Variants in CKS1B observed in about 807,000 individuals in gnomAD.
The protein encoded by CKS1B is CDC28 protein kinase regulatory subunit 1B, also known as cyclin-dependent kinases regulatory subunit 1.
Under a neutral mutation model 12.2 loss-of-function variants are expected in CKS1B, and 5 were observed. The ratio of observed to expected loss-of-function variants is 0.41; its 90% confidence interval spans 0.21 to 0.86. The LOEUF (loss-of-function observed/expected upper bound fraction) is 0.86, where lower values mean the gene tolerates loss of function less well. CKS1B is among the 40% of genes least tolerant of loss of function. The pLI is 0.32. For synonymous variants in CKS1B, 24 were observed against 34.4 expected (o/e 0.70, Z 1.06); for missense variants, 53 against 99.9 (o/e 0.53, Z 2.00).
intron 2 of CKS1B, chr1:154,978,386 G>A: frequency 1.8e-6 from 1 of 542,290 alleles, no homozygotes; most frequent in Non-Finnish European, 3.2e-6. Flanking sequence ...CCTGATCATA[G>A]CCCCTGCCTC....
At chr1:154,977,022 G>A (rs1657205000) in intron 1 of CKS1B, among the ~76,000 whole-genome samples, 2 of 152,122 alleles carry the variant, frequency 1.3e-5, no homozygotes, top group African/African-American at 4.8e-5. Context: ...ATTCAGGATA[G>A]ATTTAATTTT....
At chr1:154,975,055 G>A in intron 1 of CKS1B, 1 of 899,104 alleles carries the variant, frequency 1.1e-6, no homozygotes, top group Non-Finnish European at 1.8e-6. Flanking sequence ...TTAGGGTACT[G>A]ACCACCCTCA....
intron 1 of CKS1B, chr1:154,975,069 A>G: frequency 1.3e-6 from 1 of 789,064 alleles, no homozygotes; most frequent in Non-Finnish European, 2.2e-6. Context: ...ACCCTCACCC[A>G]TGAGGCTTTC....
chr1:154,977,397 G>A (rs976902611), intron 1 of CKS1B: 9 of 152,376 alleles, frequency 5.9e-5, no homozygotes, highest in Admixed American at 2.0e-4. Flanking sequence ...TTACAGGCAT[G>A]AGCCACCGCC....
chr1:154,974,916 C>A, intron 1 of CKS1B, 112 bp downstream of exon 1: 1 of 1,613,796 alleles, frequency 6.2e-7, no homozygotes, highest in Non-Finnish European at 8.5e-7. Flanking sequence ...GTACGAGGTG[C>A]GAACGGGCAA....
At chr1:154,975,032 G>C (rs1657116420) in intron 1 of CKS1B, 2 of 1,192,414 alleles carry the variant, frequency 1.7e-6, no homozygotes, top group Non-Finnish European at 2.5e-6. Context: ...AGAGGAGAGA[G>C]GGGTGGGCGT....
rs780679482 is a variant in CKS1B, at chr1:154,978,714, C to T, written c.188-11C>T. ...GTGAGCTTGTCTCTTAGATTTCCCTCACTCTTTCAGAACCTCACATCTTGC... is the reference window on the plus strand; with the variant it reads ...GTGAGCTTGTCTCTTAGATTTCCCTTACTCTTTCAGAACCTCACATCTTGC... On this transcript the variant is annotated splice_polypyrimidine_tract_variant and intron_variant, in intron 2 of 2. Transcript: ENST00000308987. 6.2e-7 allele frequency: 1 copy of T among 1,613,586 alleles called. No homozygotes were observed. The highest frequency in any genetic ancestry group is 8.5e-7 in the Non-Finnish European group (1 of 1,179,546).
chr1:154,974,936 AT>A, intron 1 of CKS1B, 132 bp downstream of exon 1: 1 of 1,613,644 alleles, frequency 6.2e-7, no homozygotes, highest in Non-Finnish European at 8.5e-7. Context: ...ATGGTGTGAT[AT>A]TGTGGAAGGC....
intron 2 of CKS1B, 101 bp from the exon 3 acceptor site, chr1:154,978,624 G>C: frequency 1.1e-6 from 1 of 946,920 alleles, no homozygotes; most frequent in South Asian, 1.4e-5. Context: ...TAGTTATAAA[G>C]ATCTGAGTGG....
chr1:154,977,139 T>C (rs999552412), intron 1 of CKS1B, among the ~76,000 whole-genome samples: 1 of 152,096 alleles, frequency 6.6e-6, no homozygotes, highest in African/African-American at 2.4e-5. Flanking sequence ...TTATTTTTTT[T>C]CTCTTTTTTT....
At chr1:154,978,221 C>A in intron 2 of CKS1B, 107 bp downstream of exon 2, 1 of 1,156,030 alleles carries the variant, frequency 8.7e-7, no homozygotes, top group Non-Finnish European at 1.2e-6. Flanking sequence ...TTACTGGTTC[C>A]TTCCCCCTCC....
chr1:154,975,563 G>C (rs1468228814), intron 1 of CKS1B: 1 of 155,130 alleles, frequency 6.4e-6, no homozygotes, highest in Non-Finnish European at 1.5e-5. Context: ...CACAAGACTT[G>C]CTAAGGAGAG....
At chr1:154,974,875 C>G in intron 1 of CKS1B, 71 bp downstream of exon 1, 1 of 1,614,018 alleles carries the variant, frequency 6.2e-7, no homozygotes, top group Non-Finnish European at 8.5e-7. Context: ...GAATTAGTAA[C>G]AGGAACTGAG....
chr1:154,975,385 AGG>A, intron 1 of CKS1B: 1 of 198,696 alleles, frequency 5.0e-6, no homozygotes, highest in Non-Finnish European at 1.1e-5. Flanking sequence ...TAAATATCAA[AGG>A]GAACAGTTAC....
In CKS1B at chr1:154,977,871, ACT is replaced by A; in HGVS notation, c.60-113_60-112del. 3.9e-6 allele frequency: 4 copies of A among 1,015,498 alleles called. 1 individual carries two copies. The East Asian group carries it at 1.1e-4, about 27-fold the overall frequency. 62.9% of individuals were successfully genotyped at this position (1,015,498 alleles called of 1,614,324 possible). A position where few individuals can be genotyped will look rare whatever the true frequency, so the allele number is the denominator to read the frequency against. On this transcript the variant is annotated intron_variant, in intron 1 of 2. Coordinates refer to ENST00000308987, the MANE Select transcript of CKS1B (RefSeq NM_001826.3). ...GCTACCCCACAATAAAATTATATAA[ACT>A]CTGACATCAAAAACCAGTTTTTCTT...
rs755598062 is a variant in CKS1B at position 154,978,825 on chromosome 1, C to T, written c.*48C>T. The T allele has an allele frequency of 1.4e-5, 16 of 1,103,728 alleles. No homozygotes were observed. The highest frequency in any genetic ancestry group is 1.9e-5 in the Non-Finnish European group (14 of 722,672). 68.4% of individuals were successfully genotyped at this position (1,103,728 alleles called of 1,614,324 possible). On this transcript the variant is annotated 3_prime_UTR_variant, in exon 3 of 3. Transcript: ENST00000308987. ...CTCAAGCTTTACACAGCTGTCCTTA[C>T]TTCCTAACATCTTTCTGATAACATT...
chr1:154,976,685 G>A (rs557111596), intron 1 of CKS1B, among the ~76,000 whole-genome samples: 1 of 152,332 alleles, frequency 6.6e-6, no homozygotes, highest in South Asian at 2.1e-4. Flanking sequence ...GAAACTCTTG[G>A]CAGTGGCACT....
intron 1 of CKS1B, 67 bp downstream of exon 1, chr1:154,974,871 G>C: frequency 6.2e-7 from 1 of 1,614,054 alleles, no homozygotes. Context: ...CAAGGAATTA[G>C]TAACAGGAAC....
Position 154,975,226 on chromosome 1 carries a change from G to A in CKS1B, c.59+422G>A, listed in dbSNP as rs962205257. The stretch of plus-strand genomic sequence containing the variant: ...CCCTAACAGGAGAGTAGCGCTGAGA[G>A]AGTTGAATATTGCTTATTAACTCGT... On this transcript the variant is annotated intron_variant, in intron 1 of 2. Transcript: ENST00000308987. 26 of 556,846 alleles carry A rather than the reference G, an allele frequency of 4.7e-5. No homozygotes were observed. In the Admixed American group the frequency reaches 6.1e-4, roughly 13 times the overall value. The allele number at this position is 556,846 out of a possible 1,614,324, so 34.5% of individuals were successfully genotyped here.
Sources: allele counts gnomAD v4.1 joint callset (sites outside exome capture counted in the v4.1 genomes callset), GRCh38; gene constraint gnomAD v4.1.1; transcripts MANE v1.5; gene names NCBI Gene and HGNC (gene_info 2026-07-23, HGNC 2026-07-21).